AXIN1: variants seen among roughly 807,000 people sequenced by gnomAD.
AXIN1 encodes axin-1.
In AXIN1, 30 loss-of-function variants were observed where a neutral mutation model predicts 76.4. The ratio of observed to expected loss-of-function variants is 0.39; its 90% CI spans 0.29 to 0.53. The LOEUF (loss-of-function observed/expected upper bound fraction) is 0.53, where lower values mean the gene tolerates loss of function less well. AXIN1 is among the 20% of genes least tolerant of loss of function. AXIN1 has a pLI of 0.66. For missense variants in AXIN1, 1,140 were observed against 1,198.8 expected, an observed-to-expected ratio of 0.95 and a Z score of 0.72; for synonymous variants, 545 against 501.4, an observed-to-expected ratio of 1.09 and a Z score of -1.16.
At chr16:339,888 C>T (rs1028477319) in intron 2 of AXIN1, among the ~76,000 whole-genome samples, 11 of 152,136 alleles carry the variant, frequency 7.2e-5, no homozygotes, top group Non-Finnish European at 1.3e-4. Context: ...ACCCTTTGCA[C>T]AGGAAGCAGA....
Position 347,605 on chromosome 16 carries a change from G to A in AXIN1, c.-81-499C>T, listed in dbSNP as rs140166899. On this transcript the variant is annotated intron_variant, in intron 1 of 10. Coordinates refer to ENST00000262320, the MANE Select transcript of AXIN1 (RefSeq NM_003502.4). ...GGTGCGCTACAGCCCCGAAGGTGGTGGGCGTCTTCTGAACCCCACGTCCTC... is the reference window on the plus strand; with the variant it reads ...GGTGCGCTACAGCCCCGAAGGTGGTAGGCGTCTTCTGAACCCCACGTCCTC... Among the ~76,000 whole-genome samples, 238 of 152,350 alleles carry A rather than the reference G, an allele frequency of 1.6e-3. 1 individual carries two copies. Among genetic ancestry groups the A allele is most frequent in the South Asian group, 2.7e-3 (13 of 4,828 alleles).
At chr16:304,525 T>C (rs2052965921) in intron 4 of AXIN1, 84 bp from the exon 5 acceptor site, 3 of 1,588,298 alleles carry the variant, frequency 1.9e-6, no homozygotes, top group Middle Eastern at 3.3e-4. Flanking sequence ...GCGTGTGCTA[T>C]CTCTGTTGTA....
Position 293,200 on chromosome 16 carries a change from C to A in AXIN1, c.2186+288G>T. On this transcript the variant is annotated intron_variant, in intron 8 of 10. Transcript: ENST00000262320. The surrounding 1 kb of genome is among the most constrained non-coding windows in gnomAD (Gnocchi z 4.6). ...GCGTTCCCCACACACTGGGGCCCTGCAGCCTCCCTGCAGACTGGGCTCAGG... is the reference window on the plus strand; with the variant it reads ...GCGTTCCCCACACACTGGGGCCCTGAAGCCTCCCTGCAGACTGGGCTCAGG... The A allele has an allele frequency of 1.9e-6, 1 of 515,068 alleles. No individual in the cohort carries two copies. Among genetic ancestry groups the A allele is most frequent in the Non-Finnish European group, 3.5e-6 (1 of 284,982 alleles). 31.9% of individuals were successfully genotyped at this position (515,068 alleles called of 1,614,324 possible).
chr16:302,488 G>A (rs759446818), intron 5 of AXIN1, among the ~76,000 whole-genome samples: 4 of 152,206 alleles, frequency 2.6e-5, no homozygotes, highest in African/African-American at 4.8e-5. Flanking sequence ...CATCTGCAGC[G>A]ACCACACCTG....
chr16:320,993 C>T (rs745618635), intron 2 of AXIN1, among the ~76,000 whole-genome samples: 20 of 152,064 alleles, frequency 1.3e-4, no homozygotes, highest in African/African-American at 2.7e-4. Context: ...CCGCCTCGGC[C>T]TCCCAAAGTG....
chr16:318,954 C>T (rs1597058363), intron 2 of AXIN1, among the ~76,000 whole-genome samples: 2 of 151,690 alleles, frequency 1.3e-5, no homozygotes, highest in East Asian at 3.9e-4. Context: ...GAGAATGCGG[C>T]CGGGGCCTTG....
In AXIN1 at chr16:288,567, G is replaced by T. The variant is rs552391613; in HGVS notation, c.2463-319C>A. ...GTGGGGTGTCTGCTTCCCAAGGGCTGAGCCCCGTCATGGAGGTGACCCCAA... is the reference window on the plus strand; with the variant it reads ...GTGGGGTGTCTGCTTCCCAAGGGCTTAGCCCCGTCATGGAGGTGACCCCAA... On this transcript the variant is annotated intron_variant, in intron 10 of 10. Transcript: ENST00000262320. 2.6e-5 allele frequency among the ~76,000 whole-genome samples: 4 copies of T among 152,370 alleles called. No individual in the cohort carries two copies. In the East Asian group the frequency reaches 5.8e-4, roughly 22 times the overall value.
intron 3 of AXIN1, among the ~76,000 whole-genome samples, chr16:312,642 G>A (rs893311379): frequency 6.6e-6 from 1 of 152,166 alleles, no homozygotes; most frequent in Non-Finnish European, 1.5e-5. Context: ...CTAAAATCAC[G>A]TCAACATTTT....
At chr16:347,700 A>T (rs1448671274) in intron 1 of AXIN1, among the ~76,000 whole-genome samples, 1 of 152,228 alleles carries the variant, frequency 6.6e-6, no homozygotes, top group Non-Finnish European at 1.5e-5. Flanking sequence ...ACACATGAGA[A>T]CACACTGCAG....
At chr16:296,409 GACC>G (rs2052713480) in intron 7 of AXIN1, among the ~76,000 whole-genome samples, 1 of 152,238 alleles carries the variant, frequency 6.6e-6, no homozygotes, top group Admixed American at 6.5e-5. Context: ...ACCTGCCTCT[GACC>G]ACGACAGGAA....
chr16:321,966 G>A (rs1597068383), intron 2 of AXIN1, among the ~76,000 whole-genome samples: 2 of 152,212 alleles, frequency 1.3e-5, no homozygotes, highest in East Asian at 3.9e-4. Flanking sequence ...GACAGAGGCT[G>A]GAATTAGTAA....
intron 8 of AXIN1, chr16:292,620 G>C (rs971046653): frequency 2.6e-5 from 4 of 152,220 alleles, no homozygotes; most frequent in Admixed American, 2.6e-4. Context: ...CATGGCCTCT[G>C]TGACCACAGC....
chr16:307,125 GCAGA>G (rs2053048686), intron 4 of AXIN1, among the ~76,000 whole-genome samples: 1 of 152,198 alleles, frequency 6.6e-6, no homozygotes, highest in African/African-American at 2.4e-5. Flanking sequence ...AGCCAGAGGC[GCAGA>G]CAGACGCGCT....
intron 4 of AXIN1, among the ~76,000 whole-genome samples, chr16:305,816 T>C (rs1266577726): frequency 6.6e-6 from 1 of 152,134 alleles, no homozygotes; most frequent in Non-Finnish European, 1.5e-5. Context: ...AGTGCTGGGA[T>C]TACAGGCGTG....
At chr16:327,556 T>C (rs1178050267) in intron 2 of AXIN1, among the ~76,000 whole-genome samples, 2 of 152,176 alleles carry the variant, frequency 1.3e-5, no homozygotes, top group Admixed American at 6.5e-5. Context: ...ATGATCAAAA[T>C]CAAACAGTGA....
intron 4 of AXIN1, among the ~76,000 whole-genome samples, chr16:307,246 C>T (rs1030050433): frequency 2.6e-5 from 4 of 152,204 alleles, no homozygotes; most frequent in Non-Finnish European, 4.4e-5. Flanking sequence ...ACTCATGCCG[C>T]CACGCGAGCT....
In AXIN1 at chr16:341,226, G is replaced by T. The variant is rs1275139167; in HGVS notation, c.878+4922C>A. On this transcript the variant is annotated intron_variant, in intron 2 of 10. Coordinates refer to ENST00000262320, the MANE Select transcript of AXIN1 (RefSeq NM_003502.4). ...GGGAGCCCCTTTCTGGGCTGGCCAAGGCCGGAGCCGGCTCCCTCAGCTTGC... is the reference window on the plus strand; with the variant it reads ...GGGAGCCCCTTTCTGGGCTGGCCAATGCCGGAGCCGGCTCCCTCAGCTTGC... Among the ~76,000 whole-genome samples, 3 of 152,398 alleles carry T rather than the reference G, an allele frequency of 2.0e-5. No individual in the cohort carries two copies. In the East Asian group the frequency reaches 5.8e-4, roughly 29 times the overall value.
chr16:296,169 G>A (rs544377622), intron 7 of AXIN1, among the ~76,000 whole-genome samples: 38 of 152,204 alleles, frequency 2.5e-4, no homozygotes, highest in African/African-American at 2.4e-5. Flanking sequence ...CGATGAGCCC[G>A]TCCCCACCTC....
In AXIN1 at chr16:342,510, T is replaced by C. The variant is rs115433295; in HGVS notation, c.878+3638A>G. On this transcript the variant is annotated intron_variant, in intron 2 of 10. Transcript: ENST00000262320. ...GCCTGTTCAGTACCCACTCTCCTTTTCCCTTTGCATTACCCGCAGCCTTCC... is the reference window on the plus strand; with the variant it reads ...GCCTGTTCAGTACCCACTCTCCTTTCCCCTTTGCATTACCCGCAGCCTTCC... 5.7e-3 allele frequency among the ~76,000 whole-genome samples: 863 copies of C among 152,246 alleles called. 9 individuals are homozygous for C. The highest frequency in any genetic ancestry group is 0.02 in the African/African-American group (817 of 41,570).
Sources: allele counts gnomAD v4.1 joint callset (sites outside exome capture counted in the v4.1 genomes callset), GRCh38; gene constraint gnomAD v4.1.1; non-coding constraint Gnocchi (gnomAD v3.1); transcripts MANE v1.5; gene names NCBI Gene and HGNC (gene_info 2026-07-23, HGNC 2026-07-21).